CNOT6L: variants seen among roughly 807,000 people sequenced by gnomAD.
CNOT6L encodes the protein CCR4-NOT transcription complex subunit 6 like.
CNOT6L carries 7 observed loss-of-function variants against 64.0 expected under a neutral mutation model. The ratio of observed to expected loss-of-function variants is 0.11; its 90% CI spans 0.06 to 0.21. The LOEUF (loss-of-function observed/expected upper bound fraction) is 0.21, where lower values mean the gene tolerates loss of function less well. CNOT6L is among the 10% of genes least tolerant of loss of function. The pLI is 1.00. For missense variants in CNOT6L, 245 were observed against 669.0 expected (o/e 0.37, Z 6.99); for synonymous variants, 193 against 243.4 (o/e 0.79, Z 1.93).
chr4:77,819,321 GCC>G lies in CNOT6L; in HGVS notation c.-15_-14del. ...CACTCTACCTCATTCTCTTCCTCTG[GCC>G]CAGAAGCAACAGCAGCCATTTCCCC... On this transcript the variant is annotated 5_prime_UTR_variant, in exon 1 of 12. Transcript: ENST00000504123. 6.2e-7 allele frequency: 1 copy of G among 1,613,342 alleles called. No individual in the cohort carries two copies. The highest frequency in any genetic ancestry group is 1.3e-5 in the African/African-American group (1 of 74,914).
intron 1 of CNOT6L, among the ~76,000 whole-genome samples, chr4:77,814,005 G>T (rs1013335256): frequency 6.6e-6 from 1 of 152,134 alleles, no homozygotes; most frequent in East Asian, 1.9e-4. Context: ...ATCAGCTCAT[G>T]AATAAGATAA....
intron 11 of CNOT6L, among the ~76,000 whole-genome samples, chr4:77,721,213 A>C (rs757636584): frequency 1.7e-4 from 26 of 152,178 alleles, no homozygotes; most frequent in Non-Finnish European, 2.8e-4. Context: ...TAAAATACTC[A>C]TTTTCACAAA....
At chr4:77,755,994 A>AT (rs138648150) in intron 5 of CNOT6L, among the ~76,000 whole-genome samples, 3,407 of 151,238 alleles carry the variant, frequency 0.023, 118 homozygotes, top group African/African-American at 0.079. Flanking sequence ...TTTAATATAT[A>AT]TTTTTTTGAG....
intron 1 of CNOT6L, among the ~76,000 whole-genome samples, chr4:77,780,148 C>G (rs1410384022): frequency 3.9e-5 from 6 of 152,146 alleles, no homozygotes; most frequent in Admixed American, 3.9e-4. Context: ...ATTTAAATCT[C>G]TAAATGTGAC....
chr4:77,777,941 G>T (rs1013427055), intron 1 of CNOT6L, among the ~76,000 whole-genome samples: 1 of 152,122 alleles, frequency 6.6e-6, no homozygotes, highest in African/African-American at 2.4e-5. Context: ...TTACTTAAAG[G>T]AGCAAAGAGA....
At chr4:77,816,660 AG>A (rs1733614649) in intron 1 of CNOT6L, among the ~76,000 whole-genome samples, 1 of 152,208 alleles carries the variant, frequency 6.6e-6, no homozygotes. Flanking sequence ...TTTGAATTTT[AG>A]AAAATAATAT....
intron 1 of CNOT6L, among the ~76,000 whole-genome samples, chr4:77,795,237 T>G (rs1730701577): frequency 6.6e-6 from 1 of 152,114 alleles, no homozygotes; most frequent in Non-Finnish European, 1.5e-5. Flanking sequence ...CAGGCTGGTC[T>G]CGAGCTCCTG....
intron 7 of CNOT6L, among the ~76,000 whole-genome samples, chr4:77,743,699 T>C (rs1223473371): frequency 2.8e-5 from 4 of 142,774 alleles, no homozygotes; most frequent in African/African-American, 1.0e-4. Context: ...CTTCCTGGGT[T>C]CAAGCAATTC....
At chr4:77,817,908 G>C (rs1052693595) in intron 1 of CNOT6L, among the ~76,000 whole-genome samples, 1 of 152,220 alleles carries the variant, frequency 6.6e-6, no homozygotes, top group African/African-American at 2.4e-5. Context: ...ATGTAATGAG[G>C]TTGGAGTAGA....
At chr4:77,809,754 T>C (rs1416039214) in intron 1 of CNOT6L, among the ~76,000 whole-genome samples, 2 of 152,144 alleles carry the variant, frequency 1.3e-5, no homozygotes, top group African/African-American at 2.4e-5. Flanking sequence ...CTCTAATTTA[T>C]GTTACTCATT....
intron 1 of CNOT6L, among the ~76,000 whole-genome samples, chr4:77,784,029 C>T (rs1426102914): frequency 6.6e-6 from 1 of 151,906 alleles, no homozygotes; most frequent in Admixed American, 6.6e-5. Flanking sequence ...GGTTGTTATA[C>T]ATCTTTCCAA....
At chr4:77,770,548 A>C (rs980392232) in intron 4 of CNOT6L, among the ~76,000 whole-genome samples, 1 of 152,220 alleles carries the variant, frequency 6.6e-6, no homozygotes, top group Non-Finnish European at 1.5e-5. Flanking sequence ...CACCTTGGAA[A>C]GTGACACTGA....
Position 77,716,024 on chromosome 4 carries a change from A to AATTT in CNOT6L, c.*4403_*4406dup, listed in dbSNP as rs1365496208. 2.6e-5 allele frequency: 4 copies of AATTT among 152,376 alleles called. No individual in the cohort carries two copies. Among genetic ancestry groups the AATTT allele is most frequent in the Non-Finnish European group, 5.9e-5 (4 of 68,002 alleles). The allele number at this position is 152,376 out of a possible 1,614,324, so 9.4% of individuals were successfully genotyped here. On this transcript the variant is annotated 3_prime_UTR_variant, in exon 12 of 12. Transcript: ENST00000504123. Reference sequence around the variant, plus strand: ...GTTCAAGCTTCTGGCTTCCCTAGTTAATTTCTCTACCTACAATTCACACAG... The same window carrying AATTT: ...GTTCAAGCTTCTGGCTTCCCTAGTTAATTTATTTCTCTACCTACAATTCACACAG...
intron 1 of CNOT6L, among the ~76,000 whole-genome samples, chr4:77,800,117 T>C (rs1731348154): frequency 6.6e-6 from 1 of 152,132 alleles, no homozygotes; most frequent in South Asian, 2.1e-4. Context: ...AAAACTGAAC[T>C]TGATAGTATC....
At position 77,726,261 on chromosome 4, in the gene CNOT6L, C is replaced by T; in HGVS notation, c.1361G>A (p.Gly454Glu). 1 of 1,613,880 alleles carries T rather than the reference C, an allele frequency of 6.2e-7. No individual in the cohort carries two copies. Among genetic ancestry groups the T allele is most frequent in the Middle Eastern group, 1.6e-4 (1 of 6,062 alleles). Reference sequence around the variant, plus strand: ...ATGTGTGATTCTCCCTTCTGAGCTTCCATTCTTTCCATTGCAGCTGAAGTT... The same window carrying T: ...ATGTGTGATTCTCCCTTCTGAGCTTTCATTCTTTCCATTGCAGCTGAAGTT... ...LMNFSCNGKN[G>E]SSEGRITHGF... Residue 454 changes from glycine (G) to glutamate (E), a missense_variant, in exon 11 of 12, where the codon GGA (glycine) becomes GAA (glutamate). By Grantham distance (98) the Gly-to-Glu change is moderately conservative (BLOSUM62 -2). Coordinates refer to ENST00000504123, the MANE Select transcript of CNOT6L (RefSeq NM_144571.3).
chr4:77,818,887 C>A, intron 1 of CNOT6L: 1 of 443,784 alleles, frequency 2.3e-6, no homozygotes, highest in Non-Finnish European at 4.1e-6. Flanking sequence ...GGCGCGGCAC[C>A]GACCAGCAGC....
intron 4 of CNOT6L, among the ~76,000 whole-genome samples, chr4:77,763,955 A>C (rs1245393616): frequency 6.6e-6 from 1 of 152,248 alleles, no homozygotes; most frequent in East Asian, 1.9e-4. Flanking sequence ...TTCCTATCAA[A>C]ATAGTGTATG....
chr4:77,819,560 G>T (rs1406170734), upstream of CNOT6L: 1 of 370,880 alleles, frequency 2.7e-6, no homozygotes, highest in Admixed American at 5.7e-5. Context: ...CCGGGCCCGG[G>T]GTCTCGGGGG....
intron 1 of CNOT6L, among the ~76,000 whole-genome samples, chr4:77,798,042 T>C (rs911413571): frequency 6.6e-6 from 1 of 152,088 alleles, no homozygotes; most frequent in African/African-American, 2.4e-5. Flanking sequence ...ATTAGGAAAA[T>C]AGGCTAGGCA....
Sources: allele counts gnomAD v4.1 joint callset (sites outside exome capture counted in the v4.1 genomes callset), GRCh38; gene constraint gnomAD v4.1.1; transcripts MANE v1.5; gene names NCBI Gene and HGNC (gene_info 2026-07-23, HGNC 2026-07-21).